The following RPL26 variants were observed in gnomAD, a reference collection of about 807,000 sequenced individuals.
RPL26 encodes ribosomal protein L26.
RPL26 carries 1 observed loss-of-function variant against 16.2 expected under a neutral mutation model. The observed-to-expected ratio is 0.06, with a 90% CI of 0.02 to 0.29. RPL26 has a LOEUF of 0.29. Among genes scored for constraint, RPL26 ranks in the 10% least tolerant of loss-of-function variants. The probability of loss-of-function intolerance (pLI) is 1.00; values close to 1 mark genes in which losing one functional copy is unlikely to be tolerated. For missense variants in RPL26, 102 were observed against 184.3 expected, an observed-to-expected ratio of 0.55 and a Z score of 2.58; for synonymous variants, 55 against 62.4, an observed-to-expected ratio of 0.88 and a Z score of 0.56.
At chr17:8,378,107 G>A (rs1312696191) in intron 3 of RPL26, among the ~76,000 whole-genome samples, 1 of 152,196 alleles carries the variant, frequency 6.6e-6, no homozygotes, top group Non-Finnish European at 1.5e-5. Context: ...GAGGCAGGCG[G>A]ATCACCTGAG....
chr17:8,382,099 G>A (rs764175254), intron 2 of RPL26, 44 bp downstream of exon 2: 9 of 1,542,342 alleles, frequency 5.8e-6, no homozygotes, highest in South Asian at 3.4e-5. Flanking sequence ...AGCTAAGTGC[G>A]TAAAATATCC....
intron 1 of RPL26, 164 bp downstream of exon 1, chr17:8,382,993 G>A (rs73973106): frequency 8.4e-4 from 335 of 398,580 alleles, no homozygotes; most frequent in African/African-American, 6.3e-3. Context: ...CTCCGGCCCG[G>A]CGGCCCTTGA....
chr17:8,378,664 T>C (rs944728222), intron 3 of RPL26, among the ~76,000 whole-genome samples: 1 of 152,168 alleles, frequency 6.6e-6, no homozygotes, highest in Non-Finnish European at 1.5e-5. Context: ...ATCCAAATTA[T>C]GATAAATTTT....
intron 3 of RPL26, chr17:8,379,324 C>T (rs185373418): frequency 3.1e-5 from 5 of 160,584 alleles, no homozygotes; most frequent in Admixed American, 2.4e-4. Context: ...CCTGTAATCC[C>T]AGCACTTTAG....
At position 8,382,376 on chromosome 17, in the gene RPL26, T is replaced by C. The variant is rs1422000754; in HGVS notation, c.-5-61A>G. The stretch of plus-strand genomic sequence containing the variant: ...AAATCTCATCCAGCTTCCAAACAAA[T>C]AACCGCAATGATTTTATCTTGATAG... On this transcript the variant is annotated intron_variant, in intron 1 of 3. Coordinates refer to ENST00000648839, the MANE Select transcript of RPL26 (RefSeq NM_000987.5). 5.8e-6 allele frequency: 7 copies of C among 1,201,692 alleles called. No individual in the cohort carries two copies. The East Asian group carries it at 1.7e-4, about 28-fold the overall frequency. The allele number at this position is 1,201,692 out of a possible 1,614,324, so 74.4% of individuals were successfully genotyped here.
At position 8,383,159 on chromosome 17, in the gene RPL26, G is replaced by A. The variant is rs1273961762; in HGVS notation, c.-8C>T. The A allele has an allele frequency of 2.5e-6, 1 of 398,660 alleles. No homozygotes were observed. Among genetic ancestry groups the A allele is most frequent in the Non-Finnish European group, 4.4e-6 (1 of 226,104 alleles). The allele number at this position is 398,660 out of a possible 1,614,324, so 24.7% of individuals were successfully genotyped here. A position where few individuals can be genotyped will look rare whatever the true frequency, so the allele number is the denominator to read the frequency against. On this transcript the variant is annotated splice_region_variant and 5_prime_UTR_variant, in exon 1 of 4. Transcript: ENST00000648839. ...CCGCTTGCCCGCCGAATCCTTACCC[G>A]CTCCCGCTTCGGTGATGGCCGCAAA...
At chr17:8,378,856 C>A (rs1907280065) in intron 3 of RPL26, among the ~76,000 whole-genome samples, 1 of 152,068 alleles carries the variant, frequency 6.6e-6, no homozygotes. Flanking sequence ...GAGGGGCTTT[C>A]TAGAGTGATC....
rs548233297 is a variant in RPL26 at position 8,378,556 on chromosome 17, G to A, written c.310-864C>T. ...AAGTAACTTCAGAATTTTAATGCTA[G>A]AAATTAAAGGTAGCATCCACACATA... On this transcript the variant is annotated intron_variant, in intron 3 of 3. Transcript: ENST00000648839. Among the ~76,000 whole-genome samples, 88 of 152,256 alleles carry A rather than the reference G, an allele frequency of 5.8e-4. 1 individual carries two copies. Among genetic ancestry groups the A allele is most frequent in the African/African-American group, 2.1e-3 (87 of 41,538 alleles).
At chr17:8,379,248 G>A (rs972226108) in intron 3 of RPL26, 3 of 151,138 alleles carry the variant, frequency 2.0e-5, no homozygotes, top group African/African-American at 7.3e-5. Flanking sequence ...GAAGTGCAAT[G>A]GTGCGATCTC....
At chr17:8,379,679 G>T in intron 3 of RPL26, 117 bp downstream of exon 3, 1 of 952,234 alleles carries the variant, frequency 1.1e-6, no homozygotes, top group Non-Finnish European at 1.6e-6. Context: ...ACTTTAAAAT[G>T]TTTTTTTCCA....
chr17:8,380,016 C>T (rs1052874880), intron 2 of RPL26, 80 bp from the exon 3 acceptor site: 1 of 1,134,790 alleles, frequency 8.8e-7, no homozygotes. Flanking sequence ...CATGCATACA[C>T]CATTCACCCT....
intron 2 of RPL26, 108 bp downstream of exon 2, chr17:8,382,035 T>C (rs1907440509): frequency 1.0e-6 from 1 of 990,710 alleles, no homozygotes. Flanking sequence ...CTTGCCACTC[T>C]TTGGGAGCAA....
At chr17:8,382,669 C>T (rs1048392950) in intron 1 of RPL26, 15 of 293,998 alleles carry the variant, frequency 5.1e-5, no homozygotes, top group Admixed American at 5.1e-4. Flanking sequence ...CAACGCAATT[C>T]TCTTAACTAT....
intron 1 of RPL26, chr17:8,382,890 G>C (rs1310499312): frequency 2.5e-6 from 1 of 396,252 alleles, no homozygotes; most frequent in Non-Finnish European, 4.4e-6. Context: ...CCATTCTCTA[G>C]GAAACGACAC....
intron 3 of RPL26, among the ~76,000 whole-genome samples, chr17:8,378,846 G>A (rs767263478): frequency 8.5e-5 from 13 of 152,156 alleles, no homozygotes; most frequent in Non-Finnish European, 1.5e-4. Context: ...TGAGGAGGCC[G>A]AGGGGCTTTC....
chr17:8,382,253 T>C lies in RPL26; in HGVS notation c.58A>G (p.Asn20Asp). The change falls in exon 2 of 4, where the codon AAT becomes GAT. Residue 20 changes from asparagine (N) to aspartate (D), a missense_variant. Coordinates refer to ENST00000648839, the MANE Select transcript of RPL26 (RefSeq NM_000987.5). ...DRSKNRKRHFNAPSHIRRKIM... is the reference protein window; with the variant it reads ...DRSKNRKRHFDAPSHIRRKIM... ...TTCCTTCGAATGTGGGAAGGTGCAT[T>C]GAAATGCCTTTTGCGATTCTTGCTT... is the stretch of plus-strand genomic sequence containing the variant. 1.2e-6 allele frequency: 2 copies of C among 1,613,846 alleles called. No homozygotes were observed. The highest frequency in any genetic ancestry group is 8.5e-7 in the Non-Finnish European group (1 of 1,179,750).
intron 3 of RPL26, among the ~76,000 whole-genome samples, chr17:8,378,836 TGAG>T (rs1299187848): frequency 7.9e-5 from 12 of 152,150 alleles, no homozygotes; most frequent in African/African-American, 2.9e-4. Context: ...AAGGCAAGTG[TGAG>T]GAGGCCGAGG....
chr17:8,383,102 C>G, intron 1 of RPL26, 55 bp downstream of exon 1: 1 of 398,684 alleles, frequency 2.5e-6, no homozygotes, highest in South Asian at 1.3e-4. Flanking sequence ...CGGAAGCCAC[C>G]ATGCCCAAGA....
chr17:8,382,378 A>G, intron 1 of RPL26, 63 bp from the exon 2 acceptor site: 1 of 1,183,764 alleles, frequency 8.4e-7, no homozygotes, highest in Non-Finnish European at 1.2e-6. Flanking sequence ...CAAACAAATA[A>G]CCGCAATGAT....
Sources: allele counts gnomAD v4.1 joint callset (sites outside exome capture counted in the v4.1 genomes callset), GRCh38; gene constraint gnomAD v4.1.1; transcripts MANE v1.5; gene names NCBI Gene and HGNC (gene_info 2026-07-23, HGNC 2026-07-21).